NEK11: variants seen among roughly 807,000 people sequenced by gnomAD.
The protein encoded by NEK11 is NIMA related kinase 11, also known as serine/threonine-protein kinase Nek11.
Under a neutral mutation model 80.7 loss-of-function variants are expected in NEK11, and 72 were observed. That is an observed-to-expected ratio of 0.89 (90% CI 0.74 to 1.08). The LOEUF (loss-of-function observed/expected upper bound fraction) is 1.08, where lower values mean the gene tolerates loss of function less well. Ranked by LOEUF, NEK11 falls within the 50% of genes least tolerant of loss-of-function variation. NEK11 has a pLI of 0.00. For missense variants in NEK11, 764 were observed against 763.6 expected (o/e 1.00, Z -0.01); for synonymous variants, 251 against 260.7 (o/e 0.96, Z 0.36).
chr3:131,310,686 G>C (rs1353949136), intron 17 of NEK11, among the ~76,000 whole-genome samples: 1 of 152,126 alleles, frequency 6.6e-6, no homozygotes, highest in Non-Finnish European at 1.5e-5. Flanking sequence ...GTGTTTCTTG[G>C]CTGCTTCTAA....
chr3:131,215,069 G>A (rs904830869), intron 14 of NEK11, among the ~76,000 whole-genome samples: 5 of 152,086 alleles, frequency 3.3e-5, no homozygotes, highest in African/African-American at 1.2e-4. Context: ...CCCATCCTAA[G>A]AATATAAACA....
chr3:131,078,918 T>C (rs1278221903), intron 3 of NEK11, among the ~76,000 whole-genome samples: 1 of 150,908 alleles, frequency 6.6e-6, no homozygotes, highest in Non-Finnish European at 1.5e-5. Flanking sequence ...ATATATATTA[T>C]TTTTATATTA....
At chr3:131,096,195 T>C (rs1375005062) in intron 4 of NEK11, among the ~76,000 whole-genome samples, 2 of 151,886 alleles carry the variant, frequency 1.3e-5, no homozygotes, top group African/African-American at 4.8e-5. Flanking sequence ...CCCTCCCCTA[T>C]CTAGTAGTTG....
chr3:131,246,527 T>C (rs1241892390), intron 16 of NEK11, among the ~76,000 whole-genome samples: 1 of 152,204 alleles, frequency 6.6e-6, no homozygotes, highest in African/African-American at 2.4e-5. Context: ...TCGATGGACA[T>C]TTGGGCTGGT....
At chr3:131,163,864 G>C (rs1646878600) in intron 11 of NEK11, among the ~76,000 whole-genome samples, 1 of 152,126 alleles carries the variant, frequency 6.6e-6, no homozygotes, top group Non-Finnish European at 1.5e-5. Context: ...GAGGCTTAGA[G>C]CCTCAATTTC....
chr3:131,138,836 C>A (rs1044492558), intron 7 of NEK11, among the ~76,000 whole-genome samples: 2 of 152,126 alleles, frequency 1.3e-5, no homozygotes, highest in South Asian at 2.1e-4. Context: ...TGGGGTGGCC[C>A]CAATGCAGAT....
At chr3:131,164,023 C>G (rs968851266) in intron 11 of NEK11, among the ~76,000 whole-genome samples, 1 of 152,122 alleles carries the variant, frequency 6.6e-6, no homozygotes, top group African/African-American at 2.4e-5. Flanking sequence ...GCATTTTGTT[C>G]CCTTGTTAAT....
At chr3:131,180,990 G>A (rs919099060) in intron 14 of NEK11, among the ~76,000 whole-genome samples, 5 of 152,194 alleles carry the variant, frequency 3.3e-5, no homozygotes, top group African/African-American at 9.7e-5. Context: ...GCTAACGAAA[G>A]TTACTATTGT....
At chr3:131,171,893 G>T (rs187222739) in intron 14 of NEK11, among the ~76,000 whole-genome samples, 20 of 152,332 alleles carry the variant, frequency 1.3e-4, no homozygotes, top group African/African-American at 4.8e-4. Flanking sequence ...GTGAATGTTA[G>T]TCTGATCCTC....
At position 131,152,518 on chromosome 3, in the gene NEK11, C is replaced by A. The variant is rs374241502; in HGVS notation, c.778C>A (p.Leu260Ile). Residue 260 changes from leucine to isoleucine, a missense_variant, in exon 8 of 18, where the codon CTA (leucine) becomes ATA (isoleucine). By Grantham distance (5) the Leu-to-Ile change is conservative (BLOSUM62 2). Transcript: ENST00000383366. Reference protein sequence around the residue: ...PSLPERYPKELNAIMESMLNK... With the variant: ...PSLPERYPKEINAIMESMLNK... Reference sequence around the variant, plus strand: ...TCTCCCTGAGAGATATCCAAAAGAACTAAATGCCATCATGGAAAGGTATAG... The same window carrying A: ...TCTCCCTGAGAGATATCCAAAAGAAATAAATGCCATCATGGAAAGGTATAG... The A allele has an allele frequency of 2.5e-6, 4 of 1,613,170 alleles. No individual in the cohort carries two copies. In the African/African-American group the frequency reaches 4.0e-5, roughly 16 times the overall value.
chr3:131,338,750 G>A (rs4546126), intron 17 of NEK11, among the ~76,000 whole-genome samples: 19,735 of 152,188 alleles, frequency 0.13, 1,895 homozygotes, highest in East Asian at 0.3. Flanking sequence ...TTTAAAAGCT[G>A]CATTCTGAAT....
chr3:131,268,491 T>G (rs968791172), intron 16 of NEK11, among the ~76,000 whole-genome samples: 1 of 152,214 alleles, frequency 6.6e-6, no homozygotes, highest in Admixed American at 6.5e-5. Flanking sequence ...TGCTATTCCT[T>G]TCTGTTTGTT....
chr3:131,168,746 G>C, intron 12 of NEK11, 84 bp from the exon 13 acceptor site: 2 of 841,362 alleles, frequency 2.4e-6, no homozygotes, highest in Middle Eastern at 2.8e-4. Context: ...TAGAAAATGG[G>C]CCTCCTGAAA....
rs992868161 is a variant in NEK11 at position 131,080,463 on chromosome 3, A to G, written c.211A>G (p.Asn71Asp). The change falls in exon 4 of 18, where the codon AAT (asparagine) becomes GAT (aspartate). Residue 71 changes from asparagine to aspartate, a missense_variant. Transcript: ENST00000383366. Reference sequence around the variant, plus strand: ...AATATCTGTTGGAGAACTAAATCCAAATGAAACTGTACAGGCCAATTTGGA... The same window carrying G: ...AATATCTGTTGGAGAACTAAATCCAGATGAAACTGTACAGGCCAATTTGGA... ...KEISVGELNP[N>D]ETVQANLEAQ... 5 of 1,612,418 alleles carry G rather than the reference A, an allele frequency of 3.1e-6. No individual in the cohort carries two copies. The African/African-American group carries it at 4.0e-5, about 13-fold the overall frequency.
At position 131,151,195 on chromosome 3, in the gene NEK11, C is replaced by T. The variant is rs1026733711; in HGVS notation, c.648-1193C>T. On this transcript the variant is annotated intron_variant, in intron 7 of 17. Coordinates refer to ENST00000383366, the MANE Select transcript of NEK11 (RefSeq NM_024800.5). ...GTTCTACCATTTACTACCTATGTGA[C>T]CTTGGCCAAGTCATTTAACTTTTCT... Among the ~76,000 whole-genome samples, 6 of 152,118 alleles carry T rather than the reference C, an allele frequency of 3.9e-5. No homozygotes were observed. The East Asian group carries it at 1.2e-3, about 29-fold the overall frequency.
At chr3:131,028,242 A>G (rs1426483855) in intron 2 of NEK11, among the ~76,000 whole-genome samples, 1 of 152,178 alleles carries the variant, frequency 6.6e-6, no homozygotes, top group African/African-American at 2.4e-5. Context: ...GTAAATGGGC[A>G]TTTACTTATG....
intron 17 of NEK11, among the ~76,000 whole-genome samples, chr3:131,288,181 G>A (rs970619326): frequency 6.6e-6 from 1 of 152,104 alleles, no homozygotes. Flanking sequence ...ATTTCATGCT[G>A]TTGATTTCAA....
At chr3:131,034,946 C>G (rs558577665) in intron 3 of NEK11, among the ~76,000 whole-genome samples, 61 of 152,250 alleles carry the variant, frequency 4.0e-4, no homozygotes, top group African/African-American at 1.4e-3. Context: ...GTGTATTTTC[C>G]CCTTGGTCCT....
At chr3:131,297,080 T>G (rs371918550) in intron 17 of NEK11, among the ~76,000 whole-genome samples, 232 of 152,280 alleles carry the variant, frequency 1.5e-3, no homozygotes, top group Non-Finnish European at 2.5e-3. Flanking sequence ...ATTTGGGTTG[T>G]TTCCAAGTCT....
Sources: gnomAD v4.1 joint callset for allele counts (sites outside exome capture counted in the v4.1 genomes callset) on GRCh38, gnomAD v4.1.1 for gene constraint, MANE v1.5 for transcripts, NCBI Gene and HGNC (gene_info 2026-07-23, HGNC 2026-07-21) for gene names.